The following TRPM3 variants were observed in gnomAD, a reference collection of about 807,000 sequenced individuals.
The protein encoded by TRPM3 is long transient receptor potential channel 3.
In TRPM3, 77 loss-of-function variants were observed where a neutral mutation model predicts 181.2. The ratio of observed to expected loss-of-function variants is 0.42; its 90% CI spans 0.35 to 0.51. The LOEUF is 0.51. TRPM3 is among the 20% of genes least tolerant of loss of function. The probability of loss-of-function intolerance (pLI) is 0.01; values close to 1 mark genes in which losing one functional copy is unlikely to be tolerated. For missense variants in TRPM3, 1,759 were observed against 2,196.7 expected (o/e 0.80, Z 3.98); for synonymous variants, 745 against 796.4 (o/e 0.94, Z 1.09).
intron 12 of TRPM3, among the ~76,000 whole-genome samples, chr9:70,634,555 T>C (rs2066528880): frequency 6.6e-6 from 1 of 152,218 alleles, no homozygotes; most frequent in Non-Finnish European, 1.5e-5. Context: ...ATTAATAAAA[T>C]GAACTGAACT....
At position 71,282,062 on chromosome 9, in the gene TRPM3, AGAAAGAAAG is replaced by A. The variant is rs1231761861; in HGVS notation, c.183+164582_183+164590del. Among the ~76,000 whole-genome samples the A allele has an allele frequency of 6.6e-4, 69 of 104,704 alleles. 4 individuals carry two copies. Among genetic ancestry groups the A allele is most frequent in the African/African-American group, 2.1e-3 (53 of 24,942 alleles). 68.7% of individuals were successfully genotyped at this position (104,704 alleles called of 152,430 possible). On this transcript the variant is annotated intron_variant, in intron 1 of 24. Coordinates refer to the TRPM3 transcript ENST00000357533. ...GGCAACAAGGGCAAAACAGAAAGAG[AGAAAGAAAG>A]GAAAGAAAGGAAAGAAAGAGAGAAA...
At chr9:71,029,330 G>A (rs534065815) in intron 1 of TRPM3, among the ~76,000 whole-genome samples, 1 of 152,228 alleles carries the variant, frequency 6.6e-6, no homozygotes, top group South Asian at 2.1e-4. Context: ...CTCACATGAA[G>A]AGAGAATAAA....
intron 1 of TRPM3, among the ~76,000 whole-genome samples, chr9:71,086,032 A>G (rs2065199663): frequency 6.6e-6 from 1 of 151,984 alleles, no homozygotes; most frequent in South Asian, 2.1e-4. Flanking sequence ...AAAGAACAAA[A>G]TCATCTCCTT....
intron 8 of TRPM3, among the ~76,000 whole-genome samples, chr9:70,687,388 T>A (rs2067247587): frequency 6.6e-6 from 1 of 152,196 alleles, no homozygotes; most frequent in South Asian, 2.1e-4. Flanking sequence ...TGTAGGTGAT[T>A]TAGTAAAGTC....
chr9:70,666,226 G>A (rs2061827473), intron 9 of TRPM3, among the ~76,000 whole-genome samples: 1 of 152,226 alleles, frequency 6.6e-6, no homozygotes. Flanking sequence ...CCTTAGCAAG[G>A]TCTGCCAGCT....
intron 1 of TRPM3, among the ~76,000 whole-genome samples, chr9:71,221,023 A>T (rs1463489184): frequency 6.6e-6 from 1 of 152,188 alleles, no homozygotes; most frequent in African/African-American, 2.4e-5. Context: ...CATTACTGGG[A>T]TCACTGGTAG....
At position 70,620,383 on chromosome 9, in the gene TRPM3, C is replaced by G; in HGVS notation, c.1840-18G>C. ...ATATCATCCTGTAATTACAGGGAAA[C>G]CACACAGACTGAGTTAGAAATGAAT... On this transcript the variant is annotated intron_variant, in intron 15 of 25. Transcript: ENST00000677713. 1 of 1,593,308 alleles carries G rather than the reference C, an allele frequency of 6.3e-7. No individual in the cohort carries two copies. The highest frequency in any genetic ancestry group is 8.6e-7 in the Non-Finnish European group (1 of 1,166,936).
intron 1 of TRPM3, among the ~76,000 whole-genome samples, chr9:71,220,356 T>TTTTTTATTA (rs376042167): frequency 1.2e-4 from 17 of 145,928 alleles, no homozygotes; most frequent in African/African-American, 4.2e-4. Flanking sequence ...AAAAGTCTGA[T>TTTTTTATTA]TTATTATTAT....
intron 5 of TRPM3, among the ~76,000 whole-genome samples, chr9:70,832,664 G>T (rs1214362705): frequency 1.3e-5 from 2 of 152,196 alleles, no homozygotes; most frequent in Non-Finnish European, 2.9e-5. Flanking sequence ...ACAACCTTCA[G>T]TCATGGGCTG....
chr9:71,007,126 TATA>T, intron 1 of TRPM3, among the ~76,000 whole-genome samples: 1 of 133,600 alleles, frequency 7.5e-6, no homozygotes, highest in African/African-American at 2.8e-5. Flanking sequence ...AGGGCCATTA[TATA>T]ATGACAAAGG....
intron 9 of TRPM3, among the ~76,000 whole-genome samples, chr9:70,644,217 C>G (rs1223516565): frequency 6.6e-6 from 1 of 152,182 alleles, no homozygotes; most frequent in East Asian, 1.9e-4. Flanking sequence ...AGCAAATAAA[C>G]TCATGAACAG....
intron 1 of TRPM3, among the ~76,000 whole-genome samples, chr9:71,024,856 C>T (rs997239757): frequency 6.6e-6 from 1 of 152,140 alleles, no homozygotes; most frequent in Non-Finnish European, 1.5e-5. Context: ...AATCATCCCA[C>T]AGTGTCTGGA....
At chr9:71,288,469 A>G (rs1441293785) in intron 1 of TRPM3, among the ~76,000 whole-genome samples, 1 of 152,154 alleles carries the variant, frequency 6.6e-6, no homozygotes, top group Non-Finnish European at 1.5e-5. Flanking sequence ...AAAGTTCCCT[A>G]TTGAAAAATA....
intron 1 of TRPM3, among the ~76,000 whole-genome samples, chr9:70,996,186 C>T (rs933899992): frequency 3.3e-5 from 5 of 152,098 alleles, no homozygotes; most frequent in African/African-American, 7.2e-5. Flanking sequence ...TCAGAAAAAC[C>T]GAACACATAT....
At chr9:71,195,056 T>C (rs192992789) in intron 1 of TRPM3, among the ~76,000 whole-genome samples, 1 of 152,084 alleles carries the variant, frequency 6.6e-6, no homozygotes. Context: ...GTTTTAACCC[T>C]GAGAAACAAC....
intron 22 of TRPM3, among the ~76,000 whole-genome samples, chr9:70,574,108 AC>A (rs2053279090): frequency 6.6e-6 from 1 of 151,954 alleles, no homozygotes; most frequent in African/African-American, 2.4e-5. Flanking sequence ...ACACACACAC[AC>A]ACTACTAACA....
chr9:71,233,929 T>C (rs2081217123), intron 1 of TRPM3, among the ~76,000 whole-genome samples: 1 of 152,232 alleles, frequency 6.6e-6, no homozygotes, highest in South Asian at 2.1e-4. Context: ...GTCCCTTCCT[T>C]AATTATTATA....
intron 20 of TRPM3, among the ~76,000 whole-genome samples, chr9:70,599,276 C>G (rs1320062557): frequency 2.0e-5 from 3 of 152,116 alleles, no homozygotes; most frequent in African/African-American, 7.2e-5. Flanking sequence ...AAGCCTGGAT[C>G]TTTAAAGATC....
intron 1 of TRPM3, among the ~76,000 whole-genome samples, chr9:71,216,295 C>T (rs367809559): frequency 1.3e-3 from 193 of 152,176 alleles, no homozygotes; most frequent in African/African-American, 4.4e-3. Flanking sequence ...CTCACAGGTC[C>T]CTGTCAAACA....
Sources: allele counts gnomAD v4.1 joint callset (sites outside exome capture counted in the v4.1 genomes callset), GRCh38; gene constraint gnomAD v4.1.1; transcripts MANE v1.5; gene names NCBI Gene and HGNC (gene_info 2026-07-23, HGNC 2026-07-21).